CLVS1: variants seen among roughly 807,000 people sequenced by gnomAD.
The protein encoded by CLVS1 is clavesin-1.
A neutral mutation model predicts 33.1 loss-of-function variants in CLVS1; 10 were observed. The ratio of observed to expected loss-of-function variants is 0.30; its 90% CI spans 0.19 to 0.51. The LOEUF is 0.51. Ranked by LOEUF, CLVS1 falls within the 20% of genes least tolerant of loss-of-function variation. The pLI is 0.97. For missense variants in CLVS1, 343 were observed against 433.4 expected, an observed-to-expected ratio of 0.79 and a Z score of 1.85; for synonymous variants, 163 against 166.1, an observed-to-expected ratio of 0.98 and a Z score of 0.14.
intron 1 of CLVS1, among the ~76,000 whole-genome samples, chr8:61,118,271 T>C (rs1009104009): frequency 9.9e-5 from 15 of 152,172 alleles, no homozygotes; most frequent in African/African-American, 3.4e-4. Flanking sequence ...CTTTTTTTCT[T>C]TATTAGTCTT....
chr8:61,209,303 C>T (rs1308077047), intron 2 of CLVS1, among the ~76,000 whole-genome samples: 1 of 152,190 alleles, frequency 6.6e-6, no homozygotes, highest in East Asian at 1.9e-4. Context: ...GTGTTGGCTG[C>T]CCAGGCTGAA....
chr8:61,188,429 C>T (rs1807390209), intron 2 of CLVS1, among the ~76,000 whole-genome samples: 2 of 151,756 alleles, frequency 1.3e-5, no homozygotes, highest in Non-Finnish European at 2.9e-5. Context: ...TTAGGGACAA[C>T]CTAATAACAG....
At chr8:61,478,771 A>G (rs1456126647) in intron 5 of CLVS1, among the ~76,000 whole-genome samples, 1 of 152,168 alleles carries the variant, frequency 6.6e-6, no homozygotes, top group African/African-American at 2.4e-5. Context: ...CTCTTTATCC[A>G]ATTTGCCAGT....
chr8:61,070,958 C>T (rs1386318599), intron 1 of CLVS1, among the ~76,000 whole-genome samples: 1 of 152,216 alleles, frequency 6.6e-6, no homozygotes. Flanking sequence ...GGTGCACCCT[C>T]TTCTCTCTTG....
chr8:61,025,480 C>T, the CLVS1 span, among the ~76,000 whole-genome samples: 1 of 152,150 alleles, frequency 6.6e-6, no homozygotes, highest in Admixed American at 6.5e-5. Context: ...CAAAGAAAAT[C>T]CAATTCTTAA....
chr8:61,358,585 C>T (rs756798790), intron 2 of CLVS1, among the ~76,000 whole-genome samples: 3 of 152,172 alleles, frequency 2.0e-5, no homozygotes, highest in Non-Finnish European at 4.4e-5. Context: ...TGGGCCAACA[C>T]ATATGCTCAC....
chr8:61,193,027 C>T (rs1393376649), intron 2 of CLVS1, among the ~76,000 whole-genome samples: 1 of 152,122 alleles, frequency 6.6e-6, no homozygotes, highest in Non-Finnish European at 1.5e-5. Flanking sequence ...TGGGTATATA[C>T]CCGAAGGATT....
At chr8:61,314,557 T>G (rs1405578014) in intron 2 of CLVS1, among the ~76,000 whole-genome samples, 1 of 152,212 alleles carries the variant, frequency 6.6e-6, no homozygotes, top group East Asian at 1.9e-4. Context: ...ATGAGGAAGC[T>G]AACCTTGGAA....
At chr8:61,358,922 T>C (rs1812857421) in intron 2 of CLVS1, among the ~76,000 whole-genome samples, 2 of 152,220 alleles carry the variant, frequency 1.3e-5, no homozygotes, top group Non-Finnish European at 2.9e-5. Context: ...TATGGAAGCA[T>C]ACGCAGCTAT....
At chr8:61,005,706 A>G in the CLVS1 span, among the ~76,000 whole-genome samples, 5 of 152,310 alleles carry the variant, frequency 3.3e-5, no homozygotes, top group African/African-American at 9.6e-5. Context: ...TATTAACCCG[A>G]GCATAATGCT....
rs1276130336 is a variant in CLVS1 at position 61,500,328 on chromosome 8, T to TGTCA, written c.*789_*792dup. ...GAGGAGATGTCTCATGAAAATCACATGTCAGTGATTAATGAATCCATTCCA... is the reference window on the plus strand; with the variant it reads ...GAGGAGATGTCTCATGAAAATCACATGTCAGTCAGTGATTAATGAATCCATTCCA... On this transcript the variant is annotated 3_prime_UTR_variant, in exon 6 of 6. Coordinates refer to ENST00000325897, the MANE Select transcript of CLVS1 (RefSeq NM_173519.3). The TGTCA allele has an allele frequency of 2.0e-5, 3 of 152,152 alleles. No individual in the cohort carries two copies. Among genetic ancestry groups the TGTCA allele is most frequent in the African/African-American group, 7.2e-5 (3 of 41,418 alleles). The allele number at this position is 152,152 out of a possible 1,614,324, so 9.4% of individuals were successfully genotyped here.
intron 1 of CLVS1, among the ~76,000 whole-genome samples, chr8:61,084,713 T>C (rs16926806): frequency 0.058 from 8,886 of 152,324 alleles, 283 homozygotes; most frequent in Middle Eastern, 0.12. Context: ...TCTTGGGATG[T>C]GTAATGTAAA....
chr8:61,081,498 A>G (rs1012461782), intron 1 of CLVS1, among the ~76,000 whole-genome samples: 1 of 152,200 alleles, frequency 6.6e-6, no homozygotes, highest in African/African-American at 2.4e-5. Flanking sequence ...TCAGTTAGGG[A>G]GGATTGCTGC....
chr8:61,156,385 G>A (rs1294663112), intron 2 of CLVS1, among the ~76,000 whole-genome samples: 1 of 151,552 alleles, frequency 6.6e-6, no homozygotes, highest in Non-Finnish European at 1.5e-5. Context: ...CTTCGGATAT[G>A]GCTCGTGTGT....
chr8:61,388,208 G>A (rs1391814386), intron 3 of CLVS1, among the ~76,000 whole-genome samples: 1 of 151,640 alleles, frequency 6.6e-6, no homozygotes, highest in Non-Finnish European at 1.5e-5. Context: ...GACCCCAATG[G>A]TAGTCACTAT....
intron 2 of CLVS1, among the ~76,000 whole-genome samples, chr8:61,311,010 G>T (rs1172218272): frequency 6.6e-6 from 1 of 152,046 alleles, no homozygotes; most frequent in Admixed American, 6.5e-5. Context: ...ACGAAATGAG[G>T]TACTAGAGAA....
At position 61,085,044 on chromosome 8, in the gene CLVS1, A is replaced by G. The variant is rs561557118; in HGVS notation, c.-243+27814A>G. Among the ~76,000 whole-genome samples, 16 of 152,344 alleles carry G rather than the reference A, an allele frequency of 1.1e-4. No homozygotes were observed. The East Asian group carries it at 2.9e-3, about 28-fold the overall frequency. ...TAGTGGAATGAAAAAATACATCAGA[A>G]CTGCTATATTAGCAAAACGTTGAAA... On this transcript the variant is annotated intron_variant, in intron 1 of 2. Coordinates refer to the CLVS1 transcript ENST00000522621.
At chr8:61,289,954 A>G (rs1809927312) in intron 1 of CLVS1, among the ~76,000 whole-genome samples, 1 of 152,248 alleles carries the variant, frequency 6.6e-6, no homozygotes, top group Non-Finnish European at 1.5e-5. Context: ...TGGATTTTAT[A>G]GAAGAAAATT....
chr8:61,086,575 C>T (rs372742613), intron 1 of CLVS1, among the ~76,000 whole-genome samples: 2 of 151,548 alleles, frequency 1.3e-5, no homozygotes, highest in East Asian at 3.9e-4. Context: ...TTCTGAATAG[C>T]TAAAGAAGAT....
Sources: gnomAD v4.1 joint callset for allele counts (sites outside exome capture counted in the v4.1 genomes callset) on GRCh38, gnomAD v4.1.1 for gene constraint, MANE v1.5 for transcripts, NCBI Gene and HGNC (gene_info 2026-07-23, HGNC 2026-07-21) for gene names.